The following CADPS variants were observed in gnomAD, a reference collection of about 807,000 sequenced individuals.
CADPS encodes the protein calcium dependent secretion activator.
Under a neutral mutation model 167.3 loss-of-function variants are expected in CADPS, and 57 were observed. The observed-to-expected ratio is 0.34, with a 90% CI of 0.28 to 0.42. The LOEUF (loss-of-function observed/expected upper bound fraction) is 0.42. CADPS is among the 20% of genes least tolerant of loss of function. The pLI is 1.00. For missense variants in CADPS, 1,414 were observed against 1,738.1 expected (o/e 0.81, Z 3.32); for synonymous variants, 676 against 635.3 (o/e 1.06, Z -0.96).
At chr3:62,407,506 C>T (rs1708959761) in intron 28 of CADPS, among the ~76,000 whole-genome samples, 1 of 152,186 alleles carries the variant, frequency 6.6e-6, no homozygotes, top group South Asian at 2.1e-4. Flanking sequence ...CTTCACCTTA[C>T]ACTGGCTACT....
At chr3:62,423,290 T>A (rs2051871971) in intron 28 of CADPS, among the ~76,000 whole-genome samples, 1 of 152,222 alleles carries the variant, frequency 6.6e-6, no homozygotes, top group South Asian at 2.1e-4. Flanking sequence ...GGGTTGAATT[T>A]TCATTAAGGG....
At chr3:62,429,722 C>T (rs1445603131) in intron 28 of CADPS, among the ~76,000 whole-genome samples, 2 of 151,898 alleles carry the variant, frequency 1.3e-5, no homozygotes, top group Non-Finnish European at 2.9e-5. Context: ...AAAAAAAAAC[C>T]CCTGTTCTAA....
chr3:62,615,402 T>C (rs1335975312), intron 6 of CADPS, among the ~76,000 whole-genome samples: 3 of 152,216 alleles, frequency 2.0e-5, no homozygotes, highest in Non-Finnish European at 4.4e-5. Context: ...CAGCAAATGA[T>C]GATGACAGTA....
At chr3:62,598,356 G>A (rs887616507) in intron 6 of CADPS, among the ~76,000 whole-genome samples, 1 of 152,118 alleles carries the variant, frequency 6.6e-6, no homozygotes, top group Non-Finnish European at 1.5e-5. Context: ...GGATTCTGTG[G>A]GAATTCTGGC....
At chr3:62,660,505 G>A (rs1354840587) in intron 4 of CADPS, among the ~76,000 whole-genome samples, 1 of 152,164 alleles carries the variant, frequency 6.6e-6, no homozygotes, top group African/African-American at 2.4e-5. Context: ...AACTTTAAAG[G>A]TGTCCAAAAA....
intron 6 of CADPS, 145 bp downstream of exon 6, chr3:62,645,577 G>C (rs768756781): frequency 1.2e-5 from 10 of 813,674 alleles, no homozygotes; most frequent in African/African-American, 1.7e-5. Flanking sequence ...TAAAAATGTA[G>C]GCAAGTCATC....
At chr3:62,547,771 GA>G (rs34566518) in intron 11 of CADPS, among the ~76,000 whole-genome samples, 10,220 of 152,110 alleles carry the variant, frequency 0.067, 411 homozygotes, top group East Asian at 0.17. Context: ...TCCACAGACA[GA>G]AATCTAAATC....
intron 4 of CADPS, among the ~76,000 whole-genome samples, chr3:62,660,351 A>G (rs1579866082): frequency 1.3e-5 from 2 of 152,312 alleles, no homozygotes; most frequent in African/African-American, 4.8e-5. Flanking sequence ...AGTAGGAAAC[A>G]TTTTTACAGG....
chr3:62,832,467 AG>A (rs2075255779), intron 1 of CADPS, among the ~76,000 whole-genome samples: 1 of 152,208 alleles, frequency 6.6e-6, no homozygotes, highest in South Asian at 2.1e-4. Flanking sequence ...TGTGAGATAA[AG>A]ACACTACCAC....
intron 24 of CADPS, chr3:62,467,155 A>T: frequency 3.3e-6 from 1 of 299,340 alleles, no homozygotes; most frequent in Non-Finnish European, 5.8e-6. Flanking sequence ...GGAAAAAGGA[A>T]AAGTGATTTT....
intron 3 of CADPS, among the ~76,000 whole-genome samples, chr3:62,749,570 A>G (rs980587153): frequency 3.9e-5 from 6 of 152,244 alleles, no homozygotes; most frequent in African/African-American, 1.4e-4. Context: ...TGAAAGTGAT[A>G]CAATATCATT....
intron 14 of CADPS, 86 bp from the exon 15 acceptor site, chr3:62,516,729 C>G: frequency 1.1e-6 from 1 of 923,612 alleles, no homozygotes; most frequent in Non-Finnish European, 1.7e-6. Context: ...TAGCAACTCT[C>G]TCTGAGGAAT....
chr3:62,499,205 A>G lies in CADPS; in HGVS notation c.2663T>C (p.Leu888Pro), dbSNP rs772540253. The G allele has an allele frequency of 6.2e-7, 1 of 1,613,892 alleles. No homozygotes were observed. Among genetic ancestry groups the G allele is most frequent in the South Asian group, 1.1e-5 (1 of 91,076 alleles). ...ATTTTGCTGAAGAACTTCAATGACT[A>G]GTTCAGCAAGACGTATTGTATCTTC... ...KLEDTIRLAE[L>P]VIEVLQQNEE... is the part of the protein sequence containing the mutation. The change falls in exon 18 of 30, where the codon CTA (leucine) becomes CCA (proline). Residue 888 changes from leucine to proline, a missense_variant. Leu to Pro is a moderately conservative substitution (Grantham distance 98, BLOSUM62 -3). Around this residue, in one of 6 missense-constraint regions of CADPS, gnomAD observed 529 missense variants for 629.6 expected, o/e 0.84. Coordinates refer to ENST00000383710, the MANE Select transcript of CADPS (RefSeq NM_003716.4).
chr3:62,731,805 CAAAAAAAAA>C (rs1212456893), intron 3 of CADPS, among the ~76,000 whole-genome samples: 4 of 27,136 alleles, frequency 1.5e-4, no homozygotes, highest in Middle Eastern at 0.025. Context: ...TGATCATATG[CAAAAAAAAA>C]AAAAAAAAAA....
intron 3 of CADPS, among the ~76,000 whole-genome samples, chr3:62,720,813 T>G (rs928845818): frequency 1.8e-5 from 2 of 113,882 alleles, no homozygotes; most frequent in Non-Finnish European, 3.6e-5. Flanking sequence ...ATATTGTTAG[T>G]TTTTTTTTTT....
intron 4 of CADPS, among the ~76,000 whole-genome samples, chr3:62,654,500 C>T (rs965398238): frequency 3.3e-5 from 5 of 152,118 alleles, no homozygotes. Flanking sequence ...ATGGAAAATA[C>T]TGTAGGCAAC....
At chr3:62,507,628 T>G (rs2066936711) in intron 17 of CADPS, among the ~76,000 whole-genome samples, 2 of 152,170 alleles carry the variant, frequency 1.3e-5, no homozygotes, top group Admixed American at 1.3e-4. Context: ...GATCAGCAGC[T>G]TCAGCATCAC....
chr3:62,721,338 G>A (rs1189709372), intron 3 of CADPS, among the ~76,000 whole-genome samples: 1 of 151,942 alleles, frequency 6.6e-6, no homozygotes, highest in Non-Finnish European at 1.5e-5. Flanking sequence ...CACCAGGGGG[G>A]CATTTTAGCC....
In CADPS at chr3:62,509,262, T is replaced by C. The variant is rs1367562946; in HGVS notation, c.2599+3489A>G. ...GATGTTGTGGTGAGCCAGGATCCTA[T>C]CACTGTACTCTAAAGCAAGACTCTG... On this transcript the variant is annotated intron_variant, in intron 17 of 29. Transcript: ENST00000383710. Among the ~76,000 whole-genome samples the C allele has an allele frequency of 3.0e-5, 4 of 134,440 alleles. No individual in the cohort carries two copies. The East Asian group carries it at 8.8e-4, about 29-fold the overall frequency. 88.2% of individuals were successfully genotyped at this position (134,440 alleles called of 152,430 possible).
Sources: gnomAD v4.1 joint callset for allele counts (sites outside exome capture counted in the v4.1 genomes callset) on GRCh38, gnomAD v4.1.1 for gene constraint, gnomAD v4.1.1 regional missense constraint, MANE v1.5 for transcripts, NCBI Gene and HGNC (gene_info 2026-07-23, HGNC 2026-07-21) for gene names.